Variants in PAPPA observed in about 807,000 individuals in gnomAD.
The protein encoded by PAPPA is pappalysin-1.
Under a neutral mutation model 164.0 loss-of-function variants are expected in PAPPA, and 60 were observed. The ratio of observed to expected loss-of-function variants is 0.37; its 90% confidence interval spans 0.30 to 0.45. PAPPA has a LOEUF of 0.45. PAPPA is among the 20% of genes least tolerant of loss of function. The pLI is 1.00. For missense variants in PAPPA, 1,782 were observed against 2,087.3 expected, an observed-to-expected ratio of 0.85 and a Z score of 2.85; for synonymous variants, 875 against 814.1, an observed-to-expected ratio of 1.07 and a Z score of -1.27.
chr9:116,346,428 C>T (rs1431561936), intron 14 of PAPPA, among the ~76,000 whole-genome samples: 1 of 152,128 alleles, frequency 6.6e-6, no homozygotes, highest in Non-Finnish European at 1.5e-5. Context: ...TTCAATCCAT[C>T]CATTTTGCCA....
intron 13 of PAPPA, among the ~76,000 whole-genome samples, chr9:116,337,014 G>A (rs1004695913): frequency 3.3e-5 from 5 of 152,116 alleles, no homozygotes; most frequent in Admixed American, 6.6e-5. Context: ...CCTCTTCTGC[G>A]AGGTATGGCT....
chr9:116,235,082 A>C, intron 6 of PAPPA, 57 bp from the exon 7 acceptor site: 1 of 1,604,224 alleles, frequency 6.2e-7, no homozygotes, highest in Admixed American at 1.7e-5. Context: ...AGGAAACTCT[A>C]AGGATGGGAA....
chr9:116,270,869 G>A (rs539642464), intron 8 of PAPPA, among the ~76,000 whole-genome samples: 66 of 152,016 alleles, frequency 4.3e-4, no homozygotes, highest in Non-Finnish European at 9.3e-4. Context: ...TTACCTTTAA[G>A]TATATTGGGG....
chr9:116,295,174 T>C (rs1235256547), intron 9 of PAPPA, among the ~76,000 whole-genome samples: 1 of 152,132 alleles, frequency 6.6e-6, no homozygotes, highest in East Asian at 1.9e-4. Context: ...CCAGTGAATG[T>C]TACAAAAAGT....
At chr9:116,274,294 C>T (rs1845171892) in intron 9 of PAPPA, among the ~76,000 whole-genome samples, 1 of 152,204 alleles carries the variant, frequency 6.6e-6, no homozygotes, top group Non-Finnish European at 1.5e-5. Context: ...TCACTGGCCA[C>T]TTAAAATCTC....
intron 5 of PAPPA, among the ~76,000 whole-genome samples, chr9:116,221,022 G>C (rs111596141): frequency 6.6e-6 from 1 of 151,916 alleles, no homozygotes; most frequent in Non-Finnish European, 1.5e-5. Flanking sequence ...GAGGCACAAG[G>C]TACCTCTATT....
chr9:116,188,389 C>A (rs1205780810), intron 2 of PAPPA, among the ~76,000 whole-genome samples, 173 bp downstream of exon 2: 1 of 152,098 alleles, frequency 6.6e-6, no homozygotes. Flanking sequence ...CATAGGTAAA[C>A]CCAGTTTATT....
intron 7 of PAPPA, among the ~76,000 whole-genome samples, chr9:116,240,971 G>T (rs1443489218): frequency 1.3e-5 from 2 of 152,122 alleles, no homozygotes; most frequent in African/African-American, 4.8e-5. Context: ...GACCTGTAAA[G>T]CTTCCAACAC....
At chr9:116,213,805 A>G (rs1317745623) in intron 4 of PAPPA, among the ~76,000 whole-genome samples, 1 of 152,136 alleles carries the variant, frequency 6.6e-6, no homozygotes, top group Non-Finnish European at 1.5e-5. Flanking sequence ...CCACAAAAGC[A>G]TATTCAAGGC....
chr9:116,378,148 T>A (rs1296555101), intron 20 of PAPPA, among the ~76,000 whole-genome samples: 1 of 152,220 alleles, frequency 6.6e-6, no homozygotes, highest in African/African-American at 2.4e-5. Context: ...AGAAGGAATA[T>A]GAATGCCTTA....
intron 1 of PAPPA, among the ~76,000 whole-genome samples, chr9:116,155,858 T>C (rs1843595233): frequency 6.7e-6 from 1 of 150,298 alleles, no homozygotes; most frequent in Non-Finnish European, 1.5e-5. Flanking sequence ...ATACAGTGAT[T>C]CCCCCCAACA....
At chr9:116,264,064 T>A (rs1845035494) in intron 7 of PAPPA, among the ~76,000 whole-genome samples, 1 of 152,170 alleles carries the variant, frequency 6.6e-6, no homozygotes, top group Admixed American at 6.5e-5. Context: ...AAAGCATGCC[T>A]CTGTATTTTA....
chr9:116,253,471 T>C (rs1452420030), intron 7 of PAPPA, among the ~76,000 whole-genome samples: 1 of 152,246 alleles, frequency 6.6e-6, no homozygotes, highest in African/African-American at 2.4e-5. Context: ...TTTTTTCTGA[T>C]ACTTGGTCCA....
At position 116,283,192 on chromosome 9, in the gene PAPPA, T is replaced by C. The variant is rs572321129; in HGVS notation, c.2953+11776T>C. ...TATTAAGCACCTGCTGCATACAAAG[T>C]TCTGTGCAATGCAGGGTTAAGCAGC... On this transcript the variant is annotated intron_variant, in intron 9 of 21. Transcript: ENST00000328252. Among the ~76,000 whole-genome samples, 4 of 152,234 alleles carry C rather than the reference T, an allele frequency of 2.6e-5. No homozygotes were observed. The East Asian group carries it at 5.8e-4, about 22-fold the overall frequency.
At chr9:116,257,646 G>A (rs1844945089) in intron 7 of PAPPA, among the ~76,000 whole-genome samples, 1 of 152,016 alleles carries the variant, frequency 6.6e-6, no homozygotes. Context: ...AGCTTGCAGT[G>A]AGCCGAGATC....
chr9:116,324,847 C>T (rs77763741), intron 10 of PAPPA, among the ~76,000 whole-genome samples: 165 of 152,132 alleles, frequency 1.1e-3, no homozygotes, highest in African/African-American at 3.8e-3. Context: ...TGTATAGATG[C>T]CAGGGAAGGG....
intron 1 of PAPPA, among the ~76,000 whole-genome samples, chr9:116,164,761 G>A (rs915587372): frequency 9.8e-5 from 15 of 152,298 alleles, no homozygotes; most frequent in Admixed American, 7.8e-4. Context: ...CAGTGTGACT[G>A]CAGATCTTTC....
intron 13 of PAPPA, among the ~76,000 whole-genome samples, chr9:116,336,023 C>T (rs1457200250): frequency 6.6e-6 from 1 of 152,176 alleles, no homozygotes; most frequent in East Asian, 1.9e-4. Flanking sequence ...GAAAAAGCTT[C>T]AGAGATTATC....
At chr9:116,294,433 G>C (rs1845476183) in intron 9 of PAPPA, among the ~76,000 whole-genome samples, 1 of 152,222 alleles carries the variant, frequency 6.6e-6, no homozygotes, top group African/African-American at 2.4e-5. Context: ...TGATCTGGTT[G>C]AGGAGGTTAA....
Sources: gnomAD v4.1 joint callset for allele counts (sites outside exome capture counted in the v4.1 genomes callset) on GRCh38, gnomAD v4.1.1 for gene constraint, MANE v1.5 for transcripts, NCBI Gene and HGNC (gene_info 2026-07-23, HGNC 2026-07-21) for gene names.